The following AFF1 variants were observed in gnomAD, a reference collection of about 807,000 sequenced individuals.
AFF1 encodes ALF transcription elongation factor 1.
In AFF1, 48 loss-of-function variants were observed where a neutral mutation model predicts 121.7. The ratio of observed to expected loss-of-function variants is 0.39; its 90% CI spans 0.31 to 0.50. The LOEUF (loss-of-function observed/expected upper bound fraction) is 0.50, where lower values mean the gene tolerates loss of function less well. Ranked by LOEUF, AFF1 falls within the 20% of genes least tolerant of loss-of-function variation. The pLI, the probability that AFF1 is intolerant of heterozygous loss-of-function variation, is 0.76. For synonymous variants in AFF1, 613 were observed against 563.0 expected (o/e 1.09, Z -1.26); for missense variants, 1,523 against 1,511.7 (o/e 1.01, Z -0.12).
intron 2 of AFF1, among the ~76,000 whole-genome samples, chr4:87,031,001 C>T (rs928949946): frequency 6.6e-5 from 10 of 152,168 alleles, no homozygotes; most frequent in Non-Finnish European, 1.2e-4. Flanking sequence ...CAGTTTTCCA[C>T]GTGCACAGTA....
intron 8 of AFF1, among the ~76,000 whole-genome samples, chr4:87,099,478 C>A (rs1008565908): frequency 1.3e-5 from 2 of 152,134 alleles, no homozygotes; most frequent in Non-Finnish European, 2.9e-5. Context: ...GGGGTGACCT[C>A]GGTTACTGCA....
chr4:87,024,211 A>G (rs915734335), intron 2 of AFF1, among the ~76,000 whole-genome samples: 1 of 152,216 alleles, frequency 6.6e-6, no homozygotes, highest in African/African-American at 2.4e-5. Context: ...CTTGCCCTTC[A>G]TACATATATC....
At chr4:87,073,317 G>C (rs965751290) in intron 4 of AFF1, among the ~76,000 whole-genome samples, 6 of 131,810 alleles carry the variant, frequency 4.6e-5, no homozygotes, top group Non-Finnish European at 7.8e-5. Context: ...AAAAAAAAGC[G>C]GGGGCGGAGG....
At chr4:86,961,071 AGAT>A (rs1452689938) in intron 2 of AFF1, among the ~76,000 whole-genome samples, 2 of 152,206 alleles carry the variant, frequency 1.3e-5, no homozygotes, top group African/African-American at 4.8e-5. Flanking sequence ...TTCCAACTAC[AGAT>A]GAGAGTATTG....
chr4:87,053,385 A>G (rs770896274), intron 4 of AFF1, among the ~76,000 whole-genome samples: 3 of 152,234 alleles, frequency 2.0e-5, no homozygotes, highest in Non-Finnish European at 4.4e-5. Flanking sequence ...CCTATTTTCA[A>G]TAAACTACCA....
intron 2 of AFF1, chr4:86,950,147 A>G (rs1721202037): frequency 5.9e-6 from 9 of 1,512,666 alleles, no homozygotes; most frequent in Admixed American, 5.0e-5. Flanking sequence ...CCAGCACCGG[A>G]CAAGGCAGAT....
chr4:87,105,699 C>T lies in AFF1; in HGVS notation c.1338+17C>T. ...AGTGAACAAGTAAGTGTTGCACAGC[C>T]TGTAATACCAGGAGTCCTTTTAAAT... On this transcript the variant is annotated intron_variant, in intron 9 of 20. Transcript: ENST00000395146. 1 of 1,614,132 alleles carries T rather than the reference C, an allele frequency of 6.2e-7. No homozygotes were observed. The highest frequency in any genetic ancestry group is 8.5e-7 in the Non-Finnish European group (1 of 1,180,008).
chr4:86,983,426 T>C (rs1723934307), intron 2 of AFF1, among the ~76,000 whole-genome samples: 1 of 152,024 alleles, frequency 6.6e-6, no homozygotes, highest in Admixed American at 6.6e-5. Flanking sequence ...CTCAGGAGGC[T>C]GAGGCAGGAG....
chr4:87,080,435 C>A (rs1009256009), intron 4 of AFF1, among the ~76,000 whole-genome samples: 1 of 152,156 alleles, frequency 6.6e-6, no homozygotes, highest in Non-Finnish European at 1.5e-5. Context: ...TGGCCAGGAC[C>A]AATTGTTTAT....
At chr4:86,952,682 C>T (rs949331233) in intron 2 of AFF1, among the ~76,000 whole-genome samples, 23 of 146,702 alleles carry the variant, frequency 1.6e-4, no homozygotes, top group African/African-American at 5.5e-4. Flanking sequence ...AAAACAAAAA[C>T]ACAACTTTTT....
At chr4:86,985,824 T>C (rs1258335027) in intron 2 of AFF1, among the ~76,000 whole-genome samples, 1 of 151,732 alleles carries the variant, frequency 6.6e-6, no homozygotes, top group Non-Finnish European at 1.5e-5. Flanking sequence ...AAGCTGTAAC[T>C]CAGTGTAACT....
intron 2 of AFF1, among the ~76,000 whole-genome samples, chr4:86,951,287 C>G (rs1166702225): frequency 6.6e-6 from 1 of 152,052 alleles, no homozygotes; most frequent in South Asian, 2.1e-4. Flanking sequence ...TCCCCGCCCC[C>G]CAGCCTAAAG....
At chr4:87,002,435 T>G (rs896929529) in intron 2 of AFF1, among the ~76,000 whole-genome samples, 2 of 144,100 alleles carry the variant, frequency 1.4e-5, no homozygotes, top group Admixed American at 7.0e-5. Flanking sequence ...GTTTTTTTTT[T>G]TTTTTTTTTT....
chr4:87,077,769 T>C (rs948235233), intron 4 of AFF1, among the ~76,000 whole-genome samples: 10 of 152,322 alleles, frequency 6.6e-5, no homozygotes, highest in African/African-American at 2.2e-4. Context: ...TTCTAAACAA[T>C]GTATCTTGGA....
At chr4:86,986,882 G>A (rs1207035439) in intron 2 of AFF1, among the ~76,000 whole-genome samples, 1 of 152,024 alleles carries the variant, frequency 6.6e-6, no homozygotes, top group Non-Finnish European at 1.5e-5. Flanking sequence ...ATTTTTTAAA[G>A]AGAGGGTCTC....
Position 87,114,358 on chromosome 4 carries a change from T to C in AFF1, c.1534-9T>C, listed in dbSNP as rs1186468028. 6.3e-7 allele frequency: 1 copy of C among 1,578,258 alleles called. No individual in the cohort carries two copies. Among genetic ancestry groups the C allele is most frequent in the East Asian group, 2.2e-5 (1 of 44,718 alleles). On this transcript the variant is annotated splice_polypyrimidine_tract_variant and intron_variant, in intron 11 of 20. Coordinates refer to ENST00000395146, the MANE Select transcript of AFF1 (RefSeq NM_001166693.3). The stretch of plus-strand genomic sequence containing the variant: ...CAGTTAACACTTTTCTTTCTTTCCT[T>C]ATTTTTAGCCTGAGCCTCCAACAAC...
At chr4:87,089,769 A>G (rs1277245822) in intron 5 of AFF1, among the ~76,000 whole-genome samples, 2 of 152,220 alleles carry the variant, frequency 1.3e-5, no homozygotes, top group African/African-American at 4.8e-5. Context: ...GTCTTCTACA[A>G]ACTGGCGTTT....
At chr4:86,961,580 G>A (rs1319614963) in intron 2 of AFF1, among the ~76,000 whole-genome samples, 6 of 151,242 alleles carry the variant, frequency 4.0e-5, no homozygotes, top group African/African-American at 7.3e-5. Context: ...TAGTGGGGGT[G>A]TGGGAAGGGG....
intron 2 of AFF1, among the ~76,000 whole-genome samples, chr4:86,970,880 G>A (rs950291577): frequency 1.3e-5 from 2 of 152,348 alleles, no homozygotes; most frequent in East Asian, 3.9e-4. Flanking sequence ...AAGGTAGCCA[G>A]TGAGGCTGGA....
Sources: gnomAD v4.1 joint callset for allele counts (sites outside exome capture counted in the v4.1 genomes callset) on GRCh38, gnomAD v4.1.1 for gene constraint, MANE v1.5 for transcripts, NCBI Gene and HGNC (gene_info 2026-07-23, HGNC 2026-07-21) for gene names.